The following DIAPH3 variants were observed in gnomAD, a reference collection of about 807,000 sequenced individuals.
DIAPH3 encodes the protein diaphanous related formin 3.
DIAPH3 carries 117 observed loss-of-function variants against 144.3 expected under a neutral mutation model. The ratio of observed to expected loss-of-function variants is 0.81; its 90% CI spans 0.70 to 0.95. DIAPH3 has a LOEUF of 0.95. DIAPH3 is among the 40% of genes least tolerant of loss of function. The probability of loss-of-function intolerance (pLI) is 0.00; values close to 1 mark genes in which losing one functional copy is unlikely to be tolerated. For synonymous variants in DIAPH3, 519 were observed against 488.9 expected (o/e 1.06, Z -0.81); for missense variants, 1,421 against 1,412.7 (o/e 1.01, Z -0.09).
intron 27 of DIAPH3, among the ~76,000 whole-genome samples, chr13:59,734,710 C>T (rs1218279762): frequency 6.6e-6 from 1 of 152,206 alleles, no homozygotes; most frequent in Non-Finnish European, 1.5e-5. Flanking sequence ...CTCTTACTGG[C>T]ATTTGTCATA....
At chr13:59,848,048 C>G (rs1593661651) in intron 22 of DIAPH3, among the ~76,000 whole-genome samples, 1 of 152,154 alleles carries the variant, frequency 6.6e-6, no homozygotes, top group African/African-American at 2.4e-5. Context: ...CTTGCTGGTT[C>G]TAACCTCAAA....
chr13:59,888,032 C>T (rs1044770182), intron 20 of DIAPH3, among the ~76,000 whole-genome samples: 2 of 151,960 alleles, frequency 1.3e-5, no homozygotes, highest in African/African-American at 2.4e-5. Flanking sequence ...TTTTCATGTG[C>T]TATTTTATTA....
chr13:59,822,347 G>A (rs538964838), intron 24 of DIAPH3, among the ~76,000 whole-genome samples: 2 of 152,236 alleles, frequency 1.3e-5, no homozygotes, highest in South Asian at 2.1e-4. Context: ...TGCTGATAAG[G>A]CAGCAGTTTT....
At chr13:60,063,065 A>ATT (rs1594553578) in intron 4 of DIAPH3, among the ~76,000 whole-genome samples, 1 of 152,312 alleles carries the variant, frequency 6.6e-6, no homozygotes, top group East Asian at 1.9e-4. Flanking sequence ...ACTTGATAGC[A>ATT]TTTTACTTTC....
At chr13:59,977,607 T>C (rs1015208296) in intron 14 of DIAPH3, among the ~76,000 whole-genome samples, 4 of 151,750 alleles carry the variant, frequency 2.6e-5, no homozygotes, top group Non-Finnish European at 4.4e-5. Context: ...TTGGAGGCTA[T>C]TGTAGTTATC....
chr13:60,136,683 C>A (rs545611184), intron 1 of DIAPH3, among the ~76,000 whole-genome samples: 3 of 152,212 alleles, frequency 2.0e-5, no homozygotes, highest in Admixed American at 2.0e-4. Context: ...CGCCTGTAAT[C>A]CCAGCACTTT....
chr13:59,853,553 C>G (rs1035446105), intron 22 of DIAPH3, among the ~76,000 whole-genome samples: 1 of 152,090 alleles, frequency 6.6e-6, no homozygotes, highest in Non-Finnish European at 1.5e-5. Context: ...CGTGCTGCTC[C>G]TTTGCCGTCT....
At chr13:59,758,814 C>G (rs1480374981) in intron 27 of DIAPH3, among the ~76,000 whole-genome samples, 1 of 149,462 alleles carries the variant, frequency 6.7e-6, no homozygotes, top group African/African-American at 2.5e-5. Context: ...GGGTCTTGCT[C>G]TGTCCCTTAG....
At chr13:59,697,914 C>A (rs2033905480) in intron 27 of DIAPH3, among the ~76,000 whole-genome samples, 1 of 152,176 alleles carries the variant, frequency 6.6e-6, no homozygotes, top group Admixed American at 6.5e-5. Flanking sequence ...ATTATGCTTT[C>A]ATTTTAAGAT....
intron 27 of DIAPH3, among the ~76,000 whole-genome samples, chr13:59,754,025 A>G (rs2037141913): frequency 6.6e-6 from 1 of 152,086 alleles, no homozygotes; most frequent in African/African-American, 2.4e-5. Context: ...TAGCTATTCA[A>G]CCAATTTAAA....
intron 7 of DIAPH3, among the ~76,000 whole-genome samples, chr13:60,011,457 C>G (rs758803914): frequency 2.4e-4 from 36 of 152,180 alleles, no homozygotes; most frequent in Admixed American, 1.7e-3. Context: ...AAATTTCAAG[C>G]AAGCAAAACT....
intron 4 of DIAPH3, among the ~76,000 whole-genome samples, chr13:60,062,372 C>T (rs1253153782): frequency 6.6e-6 from 1 of 152,112 alleles, no homozygotes; most frequent in Non-Finnish European, 1.5e-5. Flanking sequence ...CTGCAAAATT[C>T]CTGTTGAGCT....
chr13:59,810,708 A>G, intron 25 of DIAPH3, 80 bp downstream of exon 25: 56 of 1,469,284 alleles, frequency 3.8e-5, no homozygotes, highest in Non-Finnish European at 5.1e-5. Context: ...TTTTTCACTA[A>G]GTTCATTAAT....
At chr13:60,101,670 G>A (rs987459955) in intron 3 of DIAPH3, among the ~76,000 whole-genome samples, 2 of 152,114 alleles carry the variant, frequency 1.3e-5, no homozygotes, top group Non-Finnish European at 2.9e-5. Flanking sequence ...GCCAATGCAA[G>A]CTTCACTTCC....
chr13:59,870,037 C>T (rs867063349), intron 21 of DIAPH3, among the ~76,000 whole-genome samples: 19 of 151,962 alleles, frequency 1.3e-4, no homozygotes, highest in Middle Eastern at 3.4e-3. Flanking sequence ...ATATCTAAAA[C>T]GTCATAATAA....
chr13:59,825,769 C>T (rs376279120), intron 24 of DIAPH3, among the ~76,000 whole-genome samples: 2 of 152,084 alleles, frequency 1.3e-5, no homozygotes, highest in East Asian at 3.9e-4. Flanking sequence ...TTTTGATTTG[C>T]ATTTCTCTGA....
chr13:59,856,595 T>C (rs1181955988), intron 22 of DIAPH3, among the ~76,000 whole-genome samples: 2 of 152,190 alleles, frequency 1.3e-5, no homozygotes, highest in Middle Eastern at 3.2e-3. Flanking sequence ...TTTCCTCTTC[T>C]TATAAGGACA....
At chr13:60,067,476 T>C (rs967837498) in intron 4 of DIAPH3, among the ~76,000 whole-genome samples, 1 of 152,118 alleles carries the variant, frequency 6.6e-6, no homozygotes, top group African/African-American at 2.4e-5. Context: ...CAGCCATGGA[T>C]ATATACAGAT....
rs956694613 is a variant in DIAPH3 at position 59,968,150 on chromosome 13, T to C, written c.2074+1794A>G. On this transcript the variant is annotated intron_variant, in intron 17 of 27. Transcript: ENST00000400324. ...CTTGAATCTCAAGGCTAAAGTTAGA[T>C]GACTTAAGAATTTTTTAAAGGTCCA... Among the ~76,000 whole-genome samples, 3 of 152,326 alleles carry C rather than the reference T, an allele frequency of 2.0e-5. No individual in the cohort carries two copies. In the East Asian group the frequency reaches 5.8e-4, roughly 29 times the overall value.
Sources: gnomAD v4.1 joint callset for allele counts (sites outside exome capture counted in the v4.1 genomes callset) on GRCh38, gnomAD v4.1.1 for gene constraint, MANE v1.5 for transcripts, NCBI Gene and HGNC (gene_info 2026-07-23, HGNC 2026-07-21) for gene names.